Variants in DGKB observed in about 807,000 individuals in gnomAD.
The protein encoded by DGKB is diacylglycerol kinase beta.
DGKB carries 67 observed loss-of-function variants against 114.3 expected under a neutral mutation model. The ratio of observed to expected loss-of-function variants is 0.59; its 90% confidence interval spans 0.48 to 0.72. The LOEUF (loss-of-function observed/expected upper bound fraction) is 0.72, where lower values mean the gene tolerates loss of function less well. DGKB is among the 30% of genes least tolerant of loss of function. The probability of loss-of-function intolerance (pLI) is 0.00; values close to 1 mark genes in which losing one functional copy is unlikely to be tolerated. For missense variants in DGKB, 907 were observed against 975.2 expected (o/e 0.93, Z 0.93); for synonymous variants, 398 against 323.1 (o/e 1.23, Z -2.49).
intron 23 of DGKB, chr7:14,209,184 A>G: frequency 4.2e-6 from 1 of 237,112 alleles, no homozygotes; most frequent in Non-Finnish European, 7.3e-6. Context: ...AAAAAAAAAA[A>G]ACGCCAAATT....
intron 2 of DGKB, among the ~76,000 whole-genome samples, chr7:14,799,132 G>A (rs899264940): frequency 2.0e-5 from 3 of 152,056 alleles, no homozygotes; most frequent in African/African-American, 7.2e-5. Context: ...TTGAAACATC[G>A]GTACCAGATG....
intron 17 of DGKB, among the ~76,000 whole-genome samples, chr7:14,587,935 T>C (rs1240790743): frequency 1.3e-5 from 2 of 152,198 alleles, no homozygotes; most frequent in Non-Finnish European, 2.9e-5. Context: ...ATATTCACTT[T>C]ATTGTGGTGG....
intron 20 of DGKB, among the ~76,000 whole-genome samples, chr7:14,540,139 G>A (rs1435477182): frequency 6.6e-6 from 1 of 151,970 alleles, no homozygotes; most frequent in South Asian, 2.1e-4. Flanking sequence ...AGAATCAATA[G>A]TATCATTTAA....
intron 3 of DGKB, among the ~76,000 whole-genome samples, chr7:14,757,261 C>A (rs561402900): frequency 2.0e-5 from 3 of 152,132 alleles, no homozygotes; most frequent in Admixed American, 2.0e-4. Flanking sequence ...GAGAGCCAAG[C>A]ATACTCCTTC....
intron 21 of DGKB, among the ~76,000 whole-genome samples, chr7:14,442,232 A>G (rs1271612294): frequency 6.6e-6 from 1 of 151,770 alleles, no homozygotes; most frequent in East Asian, 1.9e-4. Context: ...TAAGGTTTTC[A>G]TTTCTTTTGT....
At chr7:14,295,237 T>C (rs1802353096) in intron 23 of DGKB, among the ~76,000 whole-genome samples, 1 of 152,212 alleles carries the variant, frequency 6.6e-6, no homozygotes, top group South Asian at 2.1e-4. Context: ...AAATGGCCTA[T>C]TTGGTAACAT....
intron 20 of DGKB, among the ~76,000 whole-genome samples, chr7:14,519,560 A>G (rs1170257752): frequency 6.6e-6 from 1 of 152,030 alleles, no homozygotes; most frequent in Non-Finnish European, 1.5e-5. Flanking sequence ...ACATACAACT[A>G]TTTCAATGAG....
At chr7:14,745,828 G>A (rs1833202487) in intron 4 of DGKB, among the ~76,000 whole-genome samples, 1 of 152,104 alleles carries the variant, frequency 6.6e-6, no homozygotes, top group Non-Finnish European at 1.5e-5. Context: ...TCCTGGTCAT[G>A]AGACAAGAAC....
rs1271700316 is a variant in DGKB at position 14,580,899 on chromosome 7, A to G, written c.1572T>C (p.Thr524=). The G allele has an allele frequency of 6.2e-7, 1 of 1,604,554 alleles. No individual in the cohort carries two copies. Among genetic ancestry groups the G allele is most frequent in the Non-Finnish European group, 8.5e-7 (1 of 1,173,470 alleles). Residue 524 remains threonine, a synonymous_variant, in exon 19 of 26, where the codon ACT becomes ACC. Transcript: ENST00000402815. ...GCAGGCATCTTGCTAGATCATTGCC[A>G]GTCCCAAGAGGCAGAATCGCAACTG... ...HPPVAILPLG[T]GNDLARCLRW...
chr7:14,849,586 C>A (rs964899302), intron 1 of DGKB, among the ~76,000 whole-genome samples: 1 of 152,230 alleles, frequency 6.6e-6, no homozygotes, highest in Non-Finnish European at 1.5e-5. Context: ...ATAAATTACC[C>A]AGTATCAGTA....
intron 25 of DGKB, among the ~76,000 whole-genome samples, chr7:14,157,493 A>G (rs1783193834): frequency 6.6e-6 from 1 of 152,100 alleles, no homozygotes; most frequent in Admixed American, 6.6e-5. Context: ...GACTTAAAAT[A>G]AAATCCTTAA....
intron 23 of DGKB, among the ~76,000 whole-genome samples, chr7:14,179,926 T>C (rs1056971279): frequency 6.6e-6 from 1 of 152,202 alleles, no homozygotes; most frequent in Non-Finnish European, 1.5e-5. Flanking sequence ...TAGTTTAAAT[T>C]CATGTTGCCA....
Position 14,277,249 on chromosome 7 carries a change from C to T in DGKB, c.2122+61266G>A, listed in dbSNP as rs192162275. On this transcript the variant is annotated intron_variant, in intron 23 of 25. Coordinates refer to ENST00000402815, the MANE Select transcript of DGKB (RefSeq NM_001350709.2). ...GCAGTGATGTGATCTCGGCTCACTGCAACCTCCACCTCCCAGGTTCAAGCG... is the reference window on the plus strand; with the variant it reads ...GCAGTGATGTGATCTCGGCTCACTGTAACCTCCACCTCCCAGGTTCAAGCG... 4.1e-3 allele frequency among the ~76,000 whole-genome samples: 618 copies of T among 152,224 alleles called. 2 individuals carry two copies. Among genetic ancestry groups the T allele is most frequent in the African/African-American group, 0.014 (597 of 41,544 alleles).
chr7:14,453,183 G>A (rs755183732), intron 21 of DGKB, among the ~76,000 whole-genome samples: 3 of 152,056 alleles, frequency 2.0e-5, no homozygotes, highest in Admixed American at 6.6e-5. Context: ...GGAAAGTGAG[G>A]CACAGAAAGG....
intron 23 of DGKB, among the ~76,000 whole-genome samples, chr7:14,195,030 A>T (rs562118897): frequency 1.3e-5 from 2 of 152,178 alleles, no homozygotes; most frequent in African/African-American, 4.8e-5. Context: ...GAAAGAGTTT[A>T]AAGACTTCCC....
chr7:14,440,437 T>G (rs1243112104), intron 21 of DGKB, among the ~76,000 whole-genome samples: 3 of 152,074 alleles, frequency 2.0e-5, no homozygotes, highest in Non-Finnish European at 2.9e-5. Flanking sequence ...TAGCCTCCAG[T>G]GATATACTGA....
At chr7:14,605,851 AC>A (rs1804407899) in intron 17 of DGKB, among the ~76,000 whole-genome samples, 1 of 152,172 alleles carries the variant, frequency 6.6e-6, no homozygotes, top group Admixed American at 6.6e-5. Context: ...TGCAGTAAGT[AC>A]ATTGTTATTT....
At chr7:14,918,515 A>G (rs757337611) in intron 1 of DGKB, among the ~76,000 whole-genome samples, 11 of 152,188 alleles carry the variant, frequency 7.2e-5, no homozygotes, top group Non-Finnish European at 1.6e-4. Context: ...CTCTAAAATC[A>G]GTGAAATAGT....
intron 2 of DGKB, among the ~76,000 whole-genome samples, chr7:14,801,896 ATAC>A (rs2128051302): frequency 7.1e-6 from 1 of 141,120 alleles, no homozygotes; most frequent in African/African-American, 2.8e-5. Flanking sequence ...GTATATATAT[ATAC>A]ACACATATAC....
Sources: allele counts gnomAD v4.1 joint callset (sites outside exome capture counted in the v4.1 genomes callset), GRCh38; gene constraint gnomAD v4.1.1; transcripts MANE v1.5; gene names NCBI Gene and HGNC (gene_info 2026-07-23, HGNC 2026-07-21).